The following EPHA6 variants were observed in gnomAD, a reference collection of about 807,000 sequenced individuals.
EPHA6 encodes ephrin type-A receptor 6.
Under a neutral mutation model 112.0 loss-of-function variants are expected in EPHA6, and 50 were observed. The observed-to-expected ratio is 0.45, with a 90% CI of 0.36 to 0.56. The LOEUF is 0.56. Among genes scored for constraint, EPHA6 ranks in the 20% least tolerant of loss-of-function variants. The pLI is 0.00. For synonymous variants in EPHA6, 529 were observed against 490.7 expected, an observed-to-expected ratio of 1.08 and a Z score of -1.03; for missense variants, 1,280 against 1,417.4, an observed-to-expected ratio of 0.90 and a Z score of 1.56.
chr3:96,937,929 A>G (rs2040694905), intron 2 of EPHA6, among the ~76,000 whole-genome samples: 1 of 152,042 alleles, frequency 6.6e-6, no homozygotes, highest in Non-Finnish European at 1.5e-5. Flanking sequence ...GATACGCGGC[A>G]TTATTTCTGA....
intron 11 of EPHA6, among the ~76,000 whole-genome samples, chr3:97,537,086 A>C (rs1327447614): frequency 6.6e-6 from 1 of 152,180 alleles, no homozygotes; most frequent in Non-Finnish European, 1.5e-5. Flanking sequence ...AGGAAGAAAT[A>C]AGCAAAGAAA....
At chr3:97,066,523 C>T (rs1406186392) in intron 3 of EPHA6, among the ~76,000 whole-genome samples, 2 of 152,110 alleles carry the variant, frequency 1.3e-5, no homozygotes, top group East Asian at 1.9e-4. Context: ...TAAAATATTT[C>T]CAGGTAAGTC....
chr3:96,935,560 T>G (rs2040535290), intron 2 of EPHA6, among the ~76,000 whole-genome samples: 1 of 149,768 alleles, frequency 6.7e-6, no homozygotes, highest in African/African-American at 2.4e-5. Context: ...GAAAATATAA[T>G]ATATAAAGAT....
At chr3:97,689,644 A>G (rs1576293059) in intron 14 of EPHA6, among the ~76,000 whole-genome samples, 1 of 152,168 alleles carries the variant, frequency 6.6e-6, no homozygotes, top group African/African-American at 2.4e-5. Context: ...CAATTAAGAT[A>G]TTATTTACAT....
intron 3 of EPHA6, among the ~76,000 whole-genome samples, chr3:97,127,357 C>G (rs1246603812): frequency 1.3e-5 from 2 of 152,074 alleles, no homozygotes; most frequent in African/African-American, 4.8e-5. Context: ...TTATCTTCTT[C>G]AAGGGATGAT....
intron 5 of EPHA6, among the ~76,000 whole-genome samples, chr3:97,400,206 T>TCTTTTTTTGGC (rs1387763653): frequency 2.6e-5 from 4 of 151,394 alleles, no homozygotes; most frequent in African/African-American, 9.7e-5. Flanking sequence ...GCCAAAAACA[T>TCTTTTTTTGGC]ATATTGAGGA....
chr3:97,191,167 G>A (rs1277838494), intron 3 of EPHA6, among the ~76,000 whole-genome samples: 2 of 151,902 alleles, frequency 1.3e-5, no homozygotes, highest in East Asian at 3.9e-4. Context: ...CAGTGAAACG[G>A]CACCATATTT....
chr3:97,024,170 A>C (rs1008277062), intron 3 of EPHA6, among the ~76,000 whole-genome samples: 14 of 152,134 alleles, frequency 9.2e-5, no homozygotes, highest in Non-Finnish European at 2.1e-4. Context: ...TAGAGCAGTA[A>C]ATGGAATACA....
At chr3:96,981,261 G>A (rs556480375) in intron 2 of EPHA6, among the ~76,000 whole-genome samples, 30 of 152,172 alleles carry the variant, frequency 2.0e-4, no homozygotes, top group African/African-American at 6.7e-4. Context: ...TAGCATGAAG[G>A]GCTGTTGAAT....
intron 2 of EPHA6, among the ~76,000 whole-genome samples, chr3:96,978,154 T>C (rs1181934928): frequency 6.6e-6 from 1 of 152,154 alleles, no homozygotes; most frequent in Non-Finnish European, 1.5e-5. Context: ...AGTGAGACCC[T>C]ATCTCAGAAA....
intron 3 of EPHA6, among the ~76,000 whole-genome samples, chr3:97,154,031 G>A (rs1467163738): frequency 1.3e-5 from 2 of 151,814 alleles, no homozygotes; most frequent in Non-Finnish European, 1.5e-5. Context: ...CCAGTGTGGT[G>A]GTGCCTGCCT....
At chr3:97,305,001 T>A (rs893817410) in intron 5 of EPHA6, among the ~76,000 whole-genome samples, 2 of 151,914 alleles carry the variant, frequency 1.3e-5, no homozygotes, top group Non-Finnish European at 1.5e-5. Context: ...CTGACAAAGT[T>A]CTAATATTTA....
chr3:96,980,570 T>A (rs2107815094), intron 2 of EPHA6, among the ~76,000 whole-genome samples: 1 of 152,276 alleles, frequency 6.6e-6, no homozygotes. Context: ...TTAAAGTAGT[T>A]TTTTCCAATT....
At chr3:97,195,390 C>T (rs1333867562) in intron 3 of EPHA6, among the ~76,000 whole-genome samples, 3 of 128,416 alleles carry the variant, frequency 2.3e-5, no homozygotes, top group Non-Finnish European at 4.8e-5. Flanking sequence ...TTTATTTTAA[C>T]TTCATCCCAG....
chr3:97,089,299 A>G (rs185993061), intron 3 of EPHA6, among the ~76,000 whole-genome samples: 200 of 152,300 alleles, frequency 1.3e-3, no homozygotes, highest in Non-Finnish European at 2.5e-3. Context: ...AAACTTGTTG[A>G]TAAGATGCTG....
intron 14 of EPHA6, among the ~76,000 whole-genome samples, chr3:97,712,341 A>C (rs780116558): frequency 7.2e-5 from 11 of 152,222 alleles, no homozygotes; most frequent in Non-Finnish European, 1.6e-4. Flanking sequence ...GAGTACTGCT[A>C]TCCAGATAAG....
rs2078918345 is a variant in EPHA6, at chr3:97,243,973, A to G, written c.1292A>G (p.Asn431Ser). The G allele has an allele frequency of 1.2e-6, 2 of 1,609,906 alleles. No individual in the cohort carries two copies. The highest frequency in any genetic ancestry group is 1.7e-6 in the Non-Finnish European group (2 of 1,177,420). The change falls in exon 5 of 18, where the codon AAT becomes AGT. Residue 431 changes from asparagine to serine, a missense_variant. Asn to Ser is a conservative substitution (Grantham distance 46). Transcript: ENST00000389672. Reference sequence around the variant, plus strand: ...CTAGGGCCACCTTCAGCTCCTAGGAATGTGGTTTTTAACATCAATGAAACA... The same window carrying G: ...CTAGGGCCACCTTCAGCTCCTAGGAGTGTGGTTTTTAACATCAATGAAACA... ...ACTRPPSAPR[N>S]VVFNINETAL...
At chr3:96,847,264 A>AT (rs2035126380) in intron 1 of EPHA6, among the ~76,000 whole-genome samples, 1 of 152,078 alleles carries the variant, frequency 6.6e-6, no homozygotes, top group South Asian at 2.1e-4. Flanking sequence ...TGTTGGTAAA[A>AT]TTTAATGCTC....
chr3:97,039,723 A>G (rs372932375), intron 3 of EPHA6, among the ~76,000 whole-genome samples: 7 of 152,044 alleles, frequency 4.6e-5, no homozygotes, highest in African/African-American at 1.4e-4. Context: ...TCGGCAGTAA[A>G]GAGTTTGAAA....
Sources: allele counts gnomAD v4.1 joint callset (sites outside exome capture counted in the v4.1 genomes callset), GRCh38; gene constraint gnomAD v4.1.1; transcripts MANE v1.5; gene names NCBI Gene and HGNC (gene_info 2026-07-23, HGNC 2026-07-21).